The following PCDHGA4 variants were observed in gnomAD, a reference collection of about 807,000 sequenced individuals.
PCDHGA4 encodes the protein protocadherin gamma subfamily A, 4.
In PCDHGA4, 38 loss-of-function variants were observed where a neutral mutation model predicts 54.6. The observed-to-expected ratio is 0.70, with a 90% CI of 0.54 to 0.91. The LOEUF is 0.91. Among genes scored for constraint, PCDHGA4 ranks in the 40% least tolerant of loss-of-function variants. The pLI is 0.00. For missense variants in PCDHGA4, 1,298 were observed against 1,220.9 expected, an observed-to-expected ratio of 1.06 and a Z score of -0.94; for synonymous variants, 511 against 512.9, an observed-to-expected ratio of 1.00 and a Z score of 0.05.
chr5:141,360,059 A>C (rs568145843), intron 1 of PCDHGA4: 6 of 1,450,420 alleles, frequency 4.1e-6, no homozygotes, highest in Non-Finnish European at 1.8e-6. Flanking sequence ...AAGCAGGAAA[A>C]GTGACCTTAG....
Position 141,393,820 on chromosome 5 carries a change from CG to C in PCDHGA4, c.2514+36201del, listed in dbSNP as rs370400807. Reference sequence around the variant, plus strand: ...CTGGGGAGGACCAAATTGCTCATTTCGGTGGAAGATGTAAATGACAATAGAC... The same window carrying C: ...CTGGGGAGGACCAAATTGCTCATTTCGTGGAAGATGTAAATGACAATAGAC... On this transcript the variant is annotated intron_variant, in intron 1 of 3. Transcript: ENST00000571252. The C allele has an allele frequency of 9.3e-6, 15 of 1,613,800 alleles. No individual in the cohort carries two copies. In the African/African-American group the frequency reaches 9.3e-5, roughly 10 times the overall value.
At chr5:141,385,574 C>T in intron 1 of PCDHGA4, 1 of 1,293,946 alleles carries the variant, frequency 7.7e-7, no homozygotes, top group Non-Finnish European at 9.8e-7. Flanking sequence ...ACCTACTTTC[C>T]AATCTATGTT....
At position 141,512,348 on chromosome 5, in the gene PCDHGA4, G is replaced by C. The variant is rs1172891268; in HGVS notation, c.*1175G>C. 4 of 152,886 alleles carry C rather than the reference G, an allele frequency of 2.6e-5. No homozygotes were observed. The highest frequency in any genetic ancestry group is 9.6e-5 in the African/African-American group (4 of 41,462). The allele number at this position is 152,886 out of a possible 1,614,324, so 9.5% of individuals were successfully genotyped here. A position where few individuals can be genotyped will look rare whatever the true frequency, so the allele number is the denominator to read the frequency against. ...GGCCATTCTTAGTCCCTGGGTTGGG[G>C]AGGCAGGGAGCTAGGGCAGGGACCA... On this transcript the variant is annotated 3_prime_UTR_variant, in exon 4 of 4. Transcript: ENST00000571252.
chr5:141,491,802 G>C lies in PCDHGA4; in HGVS notation c.2515-3005G>C, dbSNP rs759587995. 1 of 1,497,480 alleles carries C rather than the reference G, an allele frequency of 6.7e-7. No homozygotes were observed. The highest frequency in any genetic ancestry group is 1.3e-5 in the South Asian group (1 of 74,938). The allele number at this position is 1,497,480 out of a possible 1,614,324, so 92.8% of individuals were successfully genotyped here. A position where few individuals can be genotyped will look rare whatever the true frequency, so the allele number is the denominator to read the frequency against. On this transcript the variant is annotated intron_variant, in intron 1 of 3. Coordinates refer to ENST00000571252, the MANE Select transcript of PCDHGA4 (RefSeq NM_018917.4). The surrounding 1 kb of genome is among the most constrained non-coding windows in gnomAD (Gnocchi z 6.9). ...ACTTGCATCCACTCCTCTCCGGCCG[G>C]CTTGGTCGCTGGCTGCGCTCCACCC...
intron 1 of PCDHGA4, chr5:141,420,995 C>T (rs1448491394): frequency 2.0e-6 from 1 of 503,150 alleles, no homozygotes; most frequent in East Asian, 3.3e-5. Flanking sequence ...CGCCGCTGCT[C>T]ACCAATCAGG....
chr5:141,414,934 G>A (rs1473788181), intron 1 of PCDHGA4: 1 of 1,614,146 alleles, frequency 6.2e-7, no homozygotes, highest in South Asian at 1.1e-5. Context: ...CCGCTCCGCA[G>A]AGCCCGGCTA....
intron 1 of PCDHGA4, among the ~76,000 whole-genome samples, chr5:141,460,983 G>GTGTGTGTA (rs1554142949): frequency 2.2e-5 from 3 of 137,844 alleles, no homozygotes; most frequent in African/African-American, 7.7e-5. Flanking sequence ...GTGTGTGTGT[G>GTGTGTGTA]TATATATATA....
At position 141,399,361 on chromosome 5, in the gene PCDHGA4, C is replaced by T. The variant is rs375619778; in HGVS notation, c.2514+41740C>T. 7.2e-5 allele frequency: 117 copies of T among 1,613,842 alleles called. No individual in the cohort carries two copies. Among genetic ancestry groups the T allele is most frequent in the Non-Finnish European group, 9.7e-5 (115 of 1,179,910 alleles). ...TGGAACCCTAGACCGAGAGCAAACC[C>T]CGGAGTACAATGTCACCATCACAGC... On this transcript the variant is annotated intron_variant, in intron 1 of 3. Transcript: ENST00000571252.
intron 2 of PCDHGA4, among the ~76,000 whole-genome samples, chr5:141,498,039 A>G (rs2099781185): frequency 6.6e-6 from 1 of 152,264 alleles, no homozygotes; most frequent in Non-Finnish European, 1.5e-5. Flanking sequence ...CCAAATAATT[A>G]CAAAAATAAA....
chr5:141,482,000 G>A (rs1421859839), intron 1 of PCDHGA4, among the ~76,000 whole-genome samples: 8 of 150,854 alleles, frequency 5.3e-5, no homozygotes, highest in East Asian at 1.9e-4. Flanking sequence ...CAGGAGAATC[G>A]CTTTATCTCA....
At chr5:141,413,462 G>A (rs750915907) in intron 1 of PCDHGA4, 4 of 1,614,120 alleles carry the variant, frequency 2.5e-6, no homozygotes, top group East Asian at 2.2e-5. Flanking sequence ...AGGATAGACC[G>A]GGAGGAGCTC....
chr5:141,397,047 G>T (rs180929307), intron 1 of PCDHGA4, among the ~76,000 whole-genome samples: 4 of 152,276 alleles, frequency 2.6e-5, no homozygotes, highest in Admixed American at 2.0e-4. Flanking sequence ...TTATGTAAAT[G>T]AACTTATGAG....
rs759706919 is a variant in PCDHGA4 at position 141,374,098 on chromosome 5, G to C, written c.2514+16477G>C. 20 of 1,561,062 alleles carry C rather than the reference G, an allele frequency of 1.3e-5. No homozygotes were observed. The South Asian group carries it at 2.1e-4, about 17-fold the overall frequency. ...ATAAGCCAGTAATGGCGCCTCCGCA[G>C]AGGCATCCGCAGCGCAGCGAGCAGG... On this transcript the variant is annotated intron_variant, in intron 1 of 3. Transcript: ENST00000571252.
chr5:141,451,330 T>C (rs1335156581), intron 1 of PCDHGA4, among the ~76,000 whole-genome samples: 2 of 152,200 alleles, frequency 1.3e-5, no homozygotes, highest in East Asian at 1.9e-4. Context: ...CCTAAGGCTA[T>C]TGTCTTATCT....
chr5:141,371,551 T>A (rs1561551438), intron 1 of PCDHGA4: 1 of 1,613,704 alleles, frequency 6.2e-7, no homozygotes, highest in Non-Finnish European at 8.5e-7. Context: ...CTATGCCAAC[T>A]AAAAGGAAAC....
intron 1 of PCDHGA4, chr5:141,423,652 A>G (rs746768292): frequency 1.9e-6 from 3 of 1,583,268 alleles, no homozygotes; most frequent in Non-Finnish European, 2.6e-6. Flanking sequence ...TGACCCGACA[A>G]GTAATCAGGT....
At chr5:141,421,303 G>C in intron 1 of PCDHGA4, 1 of 1,613,660 alleles carries the variant, frequency 6.2e-7, no homozygotes, top group Non-Finnish European at 8.5e-7. Context: ...GACGCTGCGG[G>C]GGTTCCGGGC....
At chr5:141,456,971 A>G (rs1031714073) in intron 1 of PCDHGA4, among the ~76,000 whole-genome samples, 1 of 147,384 alleles carries the variant, frequency 6.8e-6, no homozygotes, top group Non-Finnish European at 1.5e-5. Context: ...TCAAAACAAA[A>G]CAAACAAACA....
chr5:141,402,825 A>G, intron 1 of PCDHGA4: 1 of 1,320,620 alleles, frequency 7.6e-7, no homozygotes, highest in Non-Finnish European at 1.0e-6. Flanking sequence ...ACCTGCTCCC[A>G]GGCTGCAGCA....
Sources: gnomAD v4.1 joint callset for allele counts (sites outside exome capture counted in the v4.1 genomes callset) on GRCh38, gnomAD v4.1.1 for gene constraint, Gnocchi (gnomAD v3.1) non-coding constraint, MANE v1.5 for transcripts, NCBI Gene and HGNC (gene_info 2026-07-23, HGNC 2026-07-21) for gene names.